FOXJ3: variants seen among roughly 807,000 people sequenced by gnomAD.
FOXJ3 encodes the protein forkhead box protein J3.
Under a neutral mutation model 76.1 loss-of-function variants are expected in FOXJ3, and 22 were observed. The observed-to-expected ratio is 0.29, with a 90% CI of 0.21 to 0.41. The LOEUF (loss-of-function observed/expected upper bound fraction) is 0.41, where lower values mean the gene tolerates loss of function less well. Ranked by LOEUF, FOXJ3 falls within the 10% of genes least tolerant of loss-of-function variation. The pLI is 1.00. For synonymous variants in FOXJ3, 269 were observed against 261.2 expected (o/e 1.03, Z -0.29); for missense variants, 613 against 762.1 (o/e 0.80, Z 2.30).
intron 9 of FOXJ3, 53 bp from the exon 10 acceptor site, chr1:42,189,457 G>A: frequency 3.0e-6 from 4 of 1,316,578 alleles, no homozygotes; most frequent in Non-Finnish European, 4.3e-6. Context: ...GGTGAAGTGT[G>A]GTAAGGGAAA....
chr1:42,305,043 T>A (rs1488248224), intron 2 of FOXJ3, among the ~76,000 whole-genome samples: 3 of 152,076 alleles, frequency 2.0e-5, no homozygotes, highest in East Asian at 3.8e-4. Context: ...AATAACTGTA[T>A]AGGAGAAAGT....
At chr1:42,201,065 T>C (rs146470164) in intron 6 of FOXJ3, among the ~76,000 whole-genome samples, 5 of 152,356 alleles carry the variant, frequency 3.3e-5, no homozygotes, top group African/African-American at 1.2e-4. Flanking sequence ...CTAACATAAG[T>C]GTTATCTTTT....
chr1:42,273,349 A>T (rs1205825111), intron 3 of FOXJ3, among the ~76,000 whole-genome samples: 1 of 152,192 alleles, frequency 6.6e-6, no homozygotes, highest in Non-Finnish European at 1.5e-5. Context: ...GATAATAAAT[A>T]AATCCTTTTC....
At chr1:42,294,271 C>T (rs976050082) in intron 2 of FOXJ3, among the ~76,000 whole-genome samples, 2 of 152,192 alleles carry the variant, frequency 1.3e-5, no homozygotes, top group Non-Finnish European at 2.9e-5. Context: ...CATACCAATG[C>T]CCTTTCTCAG....
At chr1:42,214,300 A>G (rs1647022848) in intron 5 of FOXJ3, among the ~76,000 whole-genome samples, 1 of 152,228 alleles carries the variant, frequency 6.6e-6, no homozygotes, top group African/African-American at 2.4e-5. Flanking sequence ...TTATAGGTGC[A>G]CTGATTCTAT....
chr1:42,187,157 T>C (rs945387493), intron 11 of FOXJ3, among the ~76,000 whole-genome samples: 3 of 151,406 alleles, frequency 2.0e-5, no homozygotes, highest in Admixed American at 2.0e-4. Flanking sequence ...CGAGACTGCC[T>C]TCTTCTAACA....
At chr1:42,209,974 T>C (rs1306148157) in intron 5 of FOXJ3, among the ~76,000 whole-genome samples, 1 of 152,084 alleles carries the variant, frequency 6.6e-6, no homozygotes, top group African/African-American at 2.4e-5. Context: ...AAAACTGTGG[T>C]TTCTGTCTTG....
chr1:42,200,136 C>T (rs2124277434), intron 6 of FOXJ3, among the ~76,000 whole-genome samples: 1 of 152,038 alleles, frequency 6.6e-6, no homozygotes, highest in Admixed American at 6.5e-5. Context: ...AGAAACCACA[C>T]TTTGAGAACC....
In FOXJ3 at chr1:42,212,969, AAAC is replaced by A. The variant is rs1488993233; in HGVS notation, c.529-7109_529-7107del. On this transcript the variant is annotated intron_variant, in intron 5 of 12. Coordinates refer to ENST00000361346, the MANE Select transcript of FOXJ3 (RefSeq NM_014947.5). The stretch of plus-strand genomic sequence containing the variant: ...ATTTTGTATCTAGCAAAAAAAAAAA[AAAC>A]AAAAAAAAAACTAAGTTTCATAAGT... Among the ~76,000 whole-genome samples the A allele has an allele frequency of 2.5e-4, 36 of 142,496 alleles. 2 individuals carry two copies. In the South Asian group the frequency reaches 3.8e-3, roughly 15 times the overall value. 93.5% of individuals were successfully genotyped at this position (142,496 alleles called of 152,430 possible).
chr1:42,294,094 T>C (rs1331347910), intron 2 of FOXJ3, among the ~76,000 whole-genome samples: 1 of 152,234 alleles, frequency 6.6e-6, no homozygotes, highest in African/African-American at 2.4e-5. Flanking sequence ...TCCACAATTA[T>C]AAGGATACTC....
chr1:42,270,741 A>C (rs1651807221), intron 3 of FOXJ3, among the ~76,000 whole-genome samples: 1 of 152,222 alleles, frequency 6.6e-6, no homozygotes, highest in Non-Finnish European at 1.5e-5. Context: ...TATCTGCACT[A>C]GAATTACTTG....
chr1:42,301,371 T>C (rs76874645), intron 2 of FOXJ3, among the ~76,000 whole-genome samples: 1 of 152,062 alleles, frequency 6.6e-6, no homozygotes. Flanking sequence ...AATTTTTTTT[T>C]TGTATTTTTA....
intron 12 of FOXJ3, 84 bp downstream of exon 12, chr1:42,181,833 T>A: frequency 1.2e-6 from 1 of 847,054 alleles, no homozygotes; most frequent in Non-Finnish European, 1.9e-6. Context: ...ACACACTCTC[T>A]CTCTCACCTG....
At position 42,265,140 on chromosome 1, in the gene FOXJ3, G is replaced by C. The variant is rs1365450616; in HGVS notation, c.419C>G (p.Pro140Arg). ...CTTTCCAGGGTCATCCTTAGATCGA[G>C]GCACTTTAAGGAAACATTTGTTCAA... Reference protein sequence around the residue: ...LSLNKCFLKVPRSKDDPGKGS... With the variant: ...LSLNKCFLKVRRSKDDPGKGS... The change falls in exon 4 of 13, where the codon CCT becomes CGT. Residue 140 changes from proline (P) to arginine (R), a missense_variant. Transcript: ENST00000361346. 1 of 1,598,206 alleles carries C rather than the reference G, an allele frequency of 6.3e-7. No homozygotes were observed. The highest frequency in any genetic ancestry group is 1.7e-5 in the Admixed American group (1 of 59,474).
At chr1:42,330,887 T>C (rs953880312) in intron 1 of FOXJ3, among the ~76,000 whole-genome samples, 3 of 152,196 alleles carry the variant, frequency 2.0e-5, no homozygotes, top group Non-Finnish European at 4.4e-5. Flanking sequence ...CACAGGGTTG[T>C]TGAGATCAAA....
intron 4 of FOXJ3, among the ~76,000 whole-genome samples, chr1:42,259,637 T>C (rs980008153): frequency 2.0e-5 from 3 of 152,220 alleles, no homozygotes; most frequent in African/African-American, 4.8e-5. Flanking sequence ...ATCTTTCTAA[T>C]CTTCTGAATA....
At chr1:42,275,091 A>C (rs1025947938) in intron 3 of FOXJ3, among the ~76,000 whole-genome samples, 1 of 152,206 alleles carries the variant, frequency 6.6e-6, no homozygotes, top group African/African-American at 2.4e-5. Context: ...AAGCTTACTA[A>C]ATGGAAGCAC....
intron 7 of FOXJ3, among the ~76,000 whole-genome samples, chr1:42,198,817 C>CTA: frequency 6.6e-6 from 1 of 152,118 alleles, no homozygotes; most frequent in East Asian, 1.9e-4. Context: ...AACTAAAGTG[C>CTA]AATTTTTTTC....
intron 4 of FOXJ3, among the ~76,000 whole-genome samples, chr1:42,249,579 T>A (rs1281275639): frequency 2.6e-5 from 4 of 152,146 alleles, no homozygotes; most frequent in Admixed American, 1.3e-4. Context: ...GGCAAAAAAT[T>A]AACGTACAAT....
Sources: allele counts gnomAD v4.1 joint callset (sites outside exome capture counted in the v4.1 genomes callset), GRCh38; gene constraint gnomAD v4.1.1; transcripts MANE v1.5; gene names NCBI Gene and HGNC (gene_info 2026-07-23, HGNC 2026-07-21).